Variants in TMEM25 observed in about 807,000 individuals in gnomAD.
TMEM25 encodes the protein 0610039J01Rik.
In TMEM25, 36 loss-of-function variants were observed where a neutral mutation model predicts 37.0. The ratio of observed to expected loss-of-function variants is 0.97; its 90% confidence interval spans 0.75 to 1.28. The LOEUF (loss-of-function observed/expected upper bound fraction) is 1.28. Ranked by LOEUF, TMEM25 falls within the 50% of genes most tolerant of loss-of-function variation. TMEM25 has a pLI of 0.00. For synonymous variants in TMEM25, 197 were observed against 203.7 expected, an observed-to-expected ratio of 0.97 and a Z score of 0.28; for missense variants, 444 against 477.9, an observed-to-expected ratio of 0.93 and a Z score of 0.66.
chr11:118,546,131 A>C (rs782080393), exon 9 of TMEM25: 1 of 718,596 alleles, frequency 1.4e-6, no homozygotes, highest in South Asian at 1.5e-5. Flanking sequence ...AGAAGAAATC[A>C]GGACAAAGAC....
chr11:118,542,011 C>T (rs1322076454), intron 8 of TMEM25, among the ~76,000 whole-genome samples: 1 of 152,248 alleles, frequency 6.6e-6, no homozygotes, highest in African/African-American at 2.4e-5. Context: ...CGGCTTCAGC[C>T]TCCCAAAGTG....
downstream of TMEM25, among the ~76,000 whole-genome samples, chr11:118,540,290 C>T (rs1951562526): frequency 6.6e-6 from 1 of 151,970 alleles, no homozygotes; most frequent in Non-Finnish European, 1.5e-5. Flanking sequence ...GCTTCTGGTT[C>T]ATGCCCTTTC....
intron 8 of TMEM25, chr11:118,545,502 G>A (rs782713639): frequency 1.7e-5 from 27 of 1,606,800 alleles, no homozygotes; most frequent in Non-Finnish European, 2.2e-5. Context: ...TGGCTGAAAC[G>A]AAGAAGAACT....
At chr11:118,536,152 ACAGGTGTGAGC>A (rs1251527117), downstream of TMEM25, among the ~76,000 whole-genome samples, 2 of 149,848 alleles carry the variant, frequency 1.3e-5, no homozygotes, top group African/African-American at 2.5e-5. Flanking sequence ...TGCTGGGAGT[ACAGGTGTGAGC>A]CACCACACCC....
At chr11:118,543,165 C>T (rs950112407) in intron 8 of TMEM25, among the ~76,000 whole-genome samples, 2 of 152,146 alleles carry the variant, frequency 1.3e-5, no homozygotes, top group African/African-American at 4.8e-5. Flanking sequence ...ATCGCTTGAA[C>T]CCGGGAGGTG....
chr11:118,533,964 G>C, intron 6 of TMEM25, 65 bp from the exon 7 acceptor site: 1 of 1,613,842 alleles, frequency 6.2e-7, no homozygotes, highest in Non-Finnish European at 8.5e-7. Flanking sequence ...GGGGTTTCTG[G>C]TAGAGGCAGC....
At chr11:118,544,716 C>T (rs752001311) in intron 8 of TMEM25, 27 of 570,728 alleles carry the variant, frequency 4.7e-5, no homozygotes, top group African/African-American at 1.1e-4. Flanking sequence ...ATTAACTCCC[C>T]GGGGACAGCA....
At chr11:118,543,303 T>C (rs1322128682) in intron 8 of TMEM25, among the ~76,000 whole-genome samples, 1 of 152,138 alleles carries the variant, frequency 6.6e-6, no homozygotes, top group Admixed American at 6.5e-5. Context: ...CTCCTACCCA[T>C]GTGTTTATTG....
At chr11:118,541,481 A>AAAAGT (rs1555065365) in intron 8 of TMEM25, among the ~76,000 whole-genome samples, 1 of 143,700 alleles carries the variant, frequency 7.0e-6, no homozygotes, top group Non-Finnish European at 1.5e-5. Flanking sequence ...AAAAAAAAAG[A>AAAAGT]AAAAGAAACT....
chr11:118,546,278 G>A lies in TMEM25; in HGVS notation c.*131G>A, dbSNP rs1418662837. 1.5e-5 allele frequency: 10 copies of A among 662,462 alleles called. No individual in the cohort carries two copies. The Admixed American group carries it at 2.0e-4, about 13-fold the overall frequency. The allele number at this position is 662,462 out of a possible 1,614,324, so 41.0% of individuals were successfully genotyped here. ...TGTGGGAGGTTGAGGTGGGCAGATC[G>A]CCTGAGCCTAGGAGTTCGAGACCAG... On this transcript the variant is annotated 3_prime_UTR_variant, in exon 9 of 9. Coordinates refer to the TMEM25 transcript ENST00000354284.
At chr11:118,543,958 CA>C (rs1951618225) in intron 8 of TMEM25, among the ~76,000 whole-genome samples, 1 of 152,038 alleles carries the variant, frequency 6.6e-6, no homozygotes, top group Non-Finnish European at 1.5e-5. Context: ...AGGCATGCAC[CA>C]AAACACCCGG....
At chr11:118,539,031 A>G (rs1251001810), downstream of TMEM25, among the ~76,000 whole-genome samples, 1 of 152,092 alleles carries the variant, frequency 6.6e-6, no homozygotes, top group African/African-American at 2.4e-5. Context: ...TAGTTTGTGA[A>G]TATTTTCTCC....
downstream of TMEM25, among the ~76,000 whole-genome samples, chr11:118,536,962 ACTC>A (rs1335152185): frequency 3.3e-5 from 5 of 151,938 alleles, no homozygotes; most frequent in African/African-American, 1.2e-4. Context: ...GCAGCCTTGA[ACTC>A]CTGTGTTCAA....
In TMEM25 at chr11:118,531,439, G is replaced by C. The variant is rs1354826998; in HGVS notation, c.-28+205G>C. 4.7e-5 allele frequency: 21 copies of C among 442,620 alleles called. No homozygotes were observed. The Admixed American group carries it at 8.4e-4, about 18-fold the overall frequency. 27.4% of individuals were successfully genotyped at this position (442,620 alleles called of 1,614,324 possible). A position where few individuals can be genotyped will look rare whatever the true frequency, so the allele number is the denominator to read the frequency against. On this transcript the variant is annotated intron_variant, in intron 1 of 8. Coordinates refer to ENST00000313236, the MANE Select transcript of TMEM25 (RefSeq NM_032780.4). ...GGATTAGGAGAAAGGCGATCCCTTT[G>C]GGGGAGGGGCGCGTGGAGTATGTGT...
intron 8 of TMEM25, chr11:118,545,289 G>A (rs984383648): frequency 1.7e-5 from 14 of 819,418 alleles, no homozygotes; most frequent in African/African-American, 1.4e-4. Context: ...GGGAAAGGGC[G>A]AAGGTAACTG....
chr11:118,542,149 G>A (rs147424135), intron 8 of TMEM25, among the ~76,000 whole-genome samples: 225 of 152,276 alleles, frequency 1.5e-3, no homozygotes, highest in East Asian at 8.5e-3. Context: ...GGAAGTACAC[G>A]GTTGAGGGGT....
rs963187011 is a variant in TMEM25, at chr11:118,535,404, G to C, written c.*824G>C. 7.0e-7 allele frequency: 1 copy of C among 1,434,960 alleles called. No homozygotes were observed. Among genetic ancestry groups the C allele is most frequent in the African/African-American group, 1.4e-5 (1 of 69,728 alleles). The allele number at this position is 1,434,960 out of a possible 1,614,324, so 88.9% of individuals were successfully genotyped here. A position where few individuals can be genotyped will look rare whatever the true frequency, so the allele number is the denominator to read the frequency against. The stretch of plus-strand genomic sequence containing the variant: ...TTAAGCACATCCCCTAGGGGAGGGG[G>C]TGAGTGAGGGGCCCAGAGCCCTCTT... On this transcript the variant is annotated 3_prime_UTR_variant, in exon 9 of 9. Coordinates refer to ENST00000313236, the MANE Select transcript of TMEM25 (RefSeq NM_032780.4).
At chr11:118,531,342 G>A (rs1951246157) in intron 1 of TMEM25, 108 bp downstream of exon 1, 1 of 333,856 alleles carries the variant, frequency 3.0e-6, no homozygotes, top group Non-Finnish European at 5.6e-6. Flanking sequence ...ATCAGGAAAG[G>A]GGGCGTAGGG....
At chr11:118,545,799 T>C in intron 8 of TMEM25, 1 of 1,614,114 alleles carries the variant, frequency 6.2e-7, no homozygotes, top group South Asian at 1.1e-5. Context: ...TCACCACAGA[T>C]CATGTCAATG....
Sources: allele counts gnomAD v4.1 joint callset (sites outside exome capture counted in the v4.1 genomes callset), GRCh38; gene constraint gnomAD v4.1.1; transcripts MANE v1.5; gene names NCBI Gene and HGNC (gene_info 2026-07-23, HGNC 2026-07-21).